The following CALN1 variants were observed in gnomAD, a reference collection of about 807,000 sequenced individuals.
CALN1 encodes calneuron 1, also known as calcium-binding protein 8.
A neutral mutation model predicts 30.6 loss-of-function variants in CALN1; 17 were observed. The observed-to-expected ratio is 0.56, with a 90% CI of 0.38 to 0.83. The LOEUF is 0.83. Among genes scored for constraint, CALN1 ranks in the 40% least tolerant of loss-of-function variants. CALN1 has a pLI of 0.00. For synonymous variants in CALN1, 156 were observed against 131.4 expected, an observed-to-expected ratio of 1.19 and a Z score of -1.28; for missense variants, 291 against 354.9, an observed-to-expected ratio of 0.82 and a Z score of 1.45.
intron 4 of CALN1, among the ~76,000 whole-genome samples, chr7:72,028,599 T>G (rs187397074): frequency 1.4e-4 from 22 of 152,278 alleles, no homozygotes; most frequent in African/African-American, 4.1e-4. Flanking sequence ...GAGGTACAGA[T>G]CATGGAAATA....
At chr7:72,416,769 C>T (rs1190249183), upstream of CALN1, among the ~76,000 whole-genome samples, 8 of 119,528 alleles carry the variant, frequency 6.7e-5, no homozygotes, top group African/African-American at 2.5e-4. Flanking sequence ...AAACAAATAA[C>T]AAAAAGAACC....
chr7:72,253,252 T>A (rs535028333), intron 3 of CALN1, among the ~76,000 whole-genome samples: 1 of 152,240 alleles, frequency 6.6e-6, no homozygotes, highest in Non-Finnish European at 1.5e-5. Context: ...GATCATTTTA[T>A]GAAAATGTAC....
At chr7:72,320,732 G>A (rs1054597546) in intron 2 of CALN1, among the ~76,000 whole-genome samples, 4 of 150,890 alleles carry the variant, frequency 2.7e-5, no homozygotes, top group African/African-American at 9.7e-5. Context: ...CTACTCGGGA[G>A]CCTGAGACAG....
At position 71,873,539 on chromosome 7, in the gene CALN1, A is replaced by G. The variant is rs569051871; in HGVS notation, c.502-63047T>C. 2.0e-5 allele frequency among the ~76,000 whole-genome samples: 3 copies of G among 152,358 alleles called. No homozygotes were observed. The South Asian group carries it at 6.2e-4, about 32-fold the overall frequency. On this transcript the variant is annotated intron_variant, in intron 5 of 6. Coordinates refer to ENST00000395275, the MANE Select transcript of CALN1 (RefSeq NM_031468.4). The stretch of plus-strand genomic sequence containing the variant: ...GTTCTCATCTAACCCAGTTCTTCTC[A>G]AAAGCGTAGTGCATAAATCATTTAC...
chr7:72,371,072 G>A (rs553221773), intron 2 of CALN1, among the ~76,000 whole-genome samples: 2 of 150,898 alleles, frequency 1.3e-5, no homozygotes, highest in South Asian at 2.1e-4. Flanking sequence ...AAAAAGAGAG[G>A]GCTCTTAATT....
chr7:71,885,745 G>A (rs989659084), intron 5 of CALN1, among the ~76,000 whole-genome samples: 1 of 152,198 alleles, frequency 6.6e-6, no homozygotes, highest in Non-Finnish European at 1.5e-5. Flanking sequence ...AGAGTGAGAC[G>A]CGCTGACCAC....
chr7:72,292,477 A>T (rs1417197090), intron 2 of CALN1, among the ~76,000 whole-genome samples: 1 of 148,128 alleles, frequency 6.8e-6, no homozygotes, highest in Non-Finnish European at 1.5e-5. Flanking sequence ...TCATGACCCA[A>T]TCACCTCTCA....
chr7:71,829,034 C>T (rs1338682513), intron 5 of CALN1, among the ~76,000 whole-genome samples: 13 of 151,988 alleles, frequency 8.6e-5, no homozygotes, highest in African/African-American at 1.5e-4. Context: ...TGTGATCCAC[C>T]GCGCCCGGCC....
At chr7:72,041,675 C>T (rs961750291) in intron 4 of CALN1, among the ~76,000 whole-genome samples, 1 of 152,176 alleles carries the variant, frequency 6.6e-6, no homozygotes, top group African/African-American at 2.4e-5. Flanking sequence ...TGAGCCACCA[C>T]ACCTGGCGCA....
chr7:72,017,469 G>A (rs1022130101), intron 5 of CALN1, among the ~76,000 whole-genome samples: 3 of 152,130 alleles, frequency 2.0e-5, no homozygotes, highest in African/African-American at 7.2e-5. Context: ...TGCACTTTCA[G>A]GCTAGGGTAA....
At chr7:72,108,013 A>G (rs191595418) in intron 3 of CALN1, among the ~76,000 whole-genome samples, 1 of 152,208 alleles carries the variant, frequency 6.6e-6, no homozygotes, top group Non-Finnish European at 1.5e-5. Context: ...TTAAGACAAT[A>G]GAAATCTATT....
intron 5 of CALN1, among the ~76,000 whole-genome samples, chr7:71,966,153 T>C (rs1013330964): frequency 4.6e-5 from 7 of 152,254 alleles, no homozygotes; most frequent in African/African-American, 1.4e-4. Flanking sequence ...TTGTAGTTTC[T>C]ATCCCAACAA....
At chr7:72,020,316 G>A (rs920724226) in intron 5 of CALN1, among the ~76,000 whole-genome samples, 4 of 152,022 alleles carry the variant, frequency 2.6e-5, no homozygotes, top group Non-Finnish European at 2.9e-5. Flanking sequence ...ATCACTTCAA[G>A]GAAGGAAACA....
chr7:72,057,573 C>T (rs562050470), intron 4 of CALN1, among the ~76,000 whole-genome samples: 1 of 151,960 alleles, frequency 6.6e-6, no homozygotes, highest in East Asian at 1.9e-4. Context: ...CCAGAAGTAA[C>T]ATACGTGTAT....
chr7:71,848,626 CAT>C (rs926758431), intron 5 of CALN1, among the ~76,000 whole-genome samples: 4 of 152,058 alleles, frequency 2.6e-5, no homozygotes, highest in Non-Finnish European at 4.4e-5. Flanking sequence ...CACACACACA[CAT>C]ACACACACAT....
At chr7:71,832,489 T>C (rs1039943544) in intron 5 of CALN1, among the ~76,000 whole-genome samples, 1 of 152,236 alleles carries the variant, frequency 6.6e-6, no homozygotes, top group Admixed American at 6.5e-5. Flanking sequence ...TTTGTAGATA[T>C]GGGCACTTAT....
intron 5 of CALN1, among the ~76,000 whole-genome samples, chr7:71,824,306 C>T (rs1788782174): frequency 6.6e-6 from 1 of 152,104 alleles, no homozygotes; most frequent in Non-Finnish European, 1.5e-5. Flanking sequence ...ATCATTGTCC[C>T]CCCAAAATCC....
intron 3 of CALN1, among the ~76,000 whole-genome samples, chr7:72,121,830 T>C (rs1374761632): frequency 1.4e-5 from 2 of 147,906 alleles, no homozygotes; most frequent in Non-Finnish European, 3.0e-5. Flanking sequence ...TTGGTTATTA[T>C]AAACCTGTTT....
intron 4 of CALN1, among the ~76,000 whole-genome samples, chr7:72,099,311 A>C (rs1806477770): frequency 7.1e-6 from 1 of 141,204 alleles, no homozygotes; most frequent in Non-Finnish European, 1.5e-5. Flanking sequence ...TCCACATACT[A>C]GTTTGGTGTG....
Sources: gnomAD v4.1 joint callset for allele counts (sites outside exome capture counted in the v4.1 genomes callset) on GRCh38, gnomAD v4.1.1 for gene constraint, MANE v1.5 for transcripts, NCBI Gene and HGNC (gene_info 2026-07-23, HGNC 2026-07-21) for gene names.